AUTS2: variants seen among roughly 807,000 people sequenced by gnomAD.
AUTS2 encodes the protein activator of transcription and developmental regulator AUTS2, also known as autism susceptibility gene 2 protein.
A neutral mutation model predicts 112.4 loss-of-function variants in AUTS2; 17 were observed. The observed-to-expected ratio is 0.15, with a 90% CI of 0.10 to 0.23. The LOEUF (loss-of-function observed/expected upper bound fraction) is 0.23, where lower values mean the gene tolerates loss of function less well. Ranked by LOEUF, AUTS2 falls within the 10% of genes least tolerant of loss-of-function variation. AUTS2 has a pLI of 1.00. For missense variants in AUTS2, 1,510 were observed against 1,701.6 expected (o/e 0.89, Z 1.98); for synonymous variants, 751 against 702.7 (o/e 1.07, Z -1.09).
intron 2 of AUTS2, among the ~76,000 whole-genome samples, chr7:70,071,050 G>GT (rs1431083402): frequency 8.5e-5 from 13 of 152,208 alleles, no homozygotes; most frequent in African/African-American, 2.6e-4. Flanking sequence ...CAGATAGAAG[G>GT]ACTCTTAGGA....
chr7:70,775,145 C>A, intron 12 of AUTS2: 1 of 584,172 alleles, frequency 1.7e-6, no homozygotes, highest in East Asian at 2.9e-5. Context: ...GGCTTGTCAG[C>A]GTAGATGTAC....
intron 6 of AUTS2, among the ~76,000 whole-genome samples, chr7:70,711,636 T>G (rs1035131613): frequency 2.6e-5 from 4 of 152,192 alleles, no homozygotes; most frequent in Non-Finnish European, 4.4e-5. Context: ...GAACAGTGGG[T>G]TGTGCTGACA....
At chr7:69,670,555 CAAAAAA>C (rs200373158) in intron 1 of AUTS2, among the ~76,000 whole-genome samples, 28 of 119,058 alleles carry the variant, frequency 2.4e-4, no homozygotes, top group East Asian at 7.1e-4. Flanking sequence ...CTTGATCCCT[CAAAAAA>C]AAAAAAAAAA....
intron 4 of AUTS2, among the ~76,000 whole-genome samples, chr7:70,140,447 T>A (rs1272474136): frequency 2.6e-5 from 4 of 152,266 alleles, no homozygotes; most frequent in Non-Finnish European, 5.9e-5. Flanking sequence ...CTATCACTAT[T>A]TATAAGATTT....
intron 2 of AUTS2, among the ~76,000 whole-genome samples, chr7:69,984,154 A>T (rs1039637199): frequency 6.6e-6 from 1 of 152,178 alleles, no homozygotes; most frequent in African/African-American, 2.4e-5. Context: ...GCAGTGGCTC[A>T]CGCTTGTAAT....
intron 4 of AUTS2, among the ~76,000 whole-genome samples, chr7:70,380,368 A>G (rs987384924): frequency 6.6e-6 from 1 of 152,216 alleles, no homozygotes; most frequent in Non-Finnish European, 1.5e-5. Context: ...TTTCAGCTGC[A>G]TATGTTGGTT....
rs1004758747 is a variant in AUTS2, at chr7:70,765,133, T to C, written c.1468+128T>C. On this transcript the variant is annotated intron_variant, in intron 8 of 18. Transcript: ENST00000342771. ...AATTTTTTCCTTCCTTACTGTGATC[T>C]TCCTCAAACGCTCTCTGGCCTGAGG... 1.3e-5 allele frequency: 17 copies of C among 1,267,184 alleles called. No individual in the cohort carries two copies. The African/African-American group carries it at 2.5e-4, about 19-fold the overall frequency. The allele number at this position is 1,267,184 out of a possible 1,614,324, so 78.5% of individuals were successfully genotyped here.
At chr7:70,515,237 G>A (rs771918201) in intron 5 of AUTS2, among the ~76,000 whole-genome samples, 1 of 152,154 alleles carries the variant, frequency 6.6e-6, no homozygotes, top group Non-Finnish European at 1.5e-5. Flanking sequence ...AGAAAGAAAA[G>A]GAAAGCAGCA....
At chr7:70,382,772 T>C (rs1793429056) in intron 4 of AUTS2, among the ~76,000 whole-genome samples, 1 of 152,212 alleles carries the variant, frequency 6.6e-6, no homozygotes, top group South Asian at 2.1e-4. Context: ...TTTTCCTTCA[T>C]TTGAGTGTAG....
intron 1 of AUTS2, among the ~76,000 whole-genome samples, chr7:69,666,748 A>G (rs549187778): frequency 6.6e-6 from 1 of 152,042 alleles, no homozygotes; most frequent in Non-Finnish European, 1.5e-5. Context: ...ACAAAAAATA[A>G]AAAATTACCT....
intron 6 of AUTS2, among the ~76,000 whole-genome samples, chr7:70,758,536 G>A (rs762452545): frequency 2.4e-4 from 37 of 152,142 alleles, no homozygotes; most frequent in African/African-American, 6.7e-4. Flanking sequence ...CCTTTTTACC[G>A]TAAAGTACGC....
chr7:70,546,117 A>T (rs531441793), intron 5 of AUTS2, among the ~76,000 whole-genome samples: 2 of 152,230 alleles, frequency 1.3e-5, no homozygotes, highest in Non-Finnish European at 2.9e-5. Flanking sequence ...TAAAATTTAC[A>T]TATAGATCAG....
At chr7:69,873,917 G>C (rs902689936) in intron 1 of AUTS2, among the ~76,000 whole-genome samples, 16 of 152,190 alleles carry the variant, frequency 1.1e-4, no homozygotes, top group African/African-American at 3.9e-4. Context: ...CTAGACTGTG[G>C]CCTGGAGGAA....
intron 4 of AUTS2, among the ~76,000 whole-genome samples, chr7:70,157,128 A>AT (rs1344457149): frequency 5.3e-5 from 8 of 151,048 alleles, no homozygotes; most frequent in Non-Finnish European, 1.0e-4. Context: ...GTCTGACTGC[A>AT]TTTTTCTATA....
chr7:69,982,178 C>T (rs959433927), intron 2 of AUTS2, among the ~76,000 whole-genome samples: 7 of 152,006 alleles, frequency 4.6e-5, no homozygotes, highest in Non-Finnish European at 1.0e-4. Flanking sequence ...AGGAAATAAA[C>T]GGGTTTATAA....
chr7:70,185,824 C>A (rs1458075077), intron 4 of AUTS2, among the ~76,000 whole-genome samples: 1 of 152,180 alleles, frequency 6.6e-6, no homozygotes, highest in Non-Finnish European at 1.5e-5. Flanking sequence ...TATGTTGTCA[C>A]TAGTGTCATC....
chr7:70,600,982 A>G (rs1239841132), intron 5 of AUTS2, among the ~76,000 whole-genome samples: 2 of 152,212 alleles, frequency 1.3e-5, no homozygotes, highest in East Asian at 3.8e-4. Context: ...GCTGCTGTGA[A>G]CATTGGTGTA....
At chr7:69,611,070 T>C (rs890424410) in intron 1 of AUTS2, among the ~76,000 whole-genome samples, 2 of 152,224 alleles carry the variant, frequency 1.3e-5, no homozygotes, top group African/African-American at 4.8e-5. Flanking sequence ...GTGAAGTAAA[T>C]TTACCCTTTT....
intron 1 of AUTS2, among the ~76,000 whole-genome samples, chr7:69,791,854 G>A (rs1789618375): frequency 6.6e-6 from 1 of 152,160 alleles, no homozygotes; most frequent in African/African-American, 2.4e-5. Context: ...GACTTAACTG[G>A]GGTTTGTTTC....
Sources: gnomAD v4.1 joint callset for allele counts (sites outside exome capture counted in the v4.1 genomes callset) on GRCh38, gnomAD v4.1.1 for gene constraint, MANE v1.5 for transcripts, NCBI Gene and HGNC (gene_info 2026-07-23, HGNC 2026-07-21) for gene names.